DMD: variants seen among roughly 807,000 people sequenced by gnomAD.
DMD encodes the protein dystrophin.
Under a neutral mutation model 330.1 loss-of-function variants are expected in DMD, and 63 were observed. The ratio of observed to expected loss-of-function variants is 0.19; its 90% CI spans 0.16 to 0.24. DMD has a LOEUF of 0.24. Among genes scored for constraint, DMD ranks in the 10% least tolerant of loss-of-function variants. The probability of loss-of-function intolerance (pLI) is 1.00; values close to 1 mark genes in which losing one functional copy is unlikely to be tolerated. For missense variants in DMD, 3,344 were observed against 2,684.1 expected (o/e 1.25, Z -5.43); for synonymous variants, 1,223 against 959.8 (o/e 1.27, Z -5.07).
intron 1 of DMD, among the ~76,000 whole-genome samples, chrX:33,334,332 A>G (rs754970412): frequency 2.7e-5 from 3 of 111,749 alleles, no homozygotes; most frequent in Non-Finnish European, 5.7e-5. Flanking sequence ...ATTTCTGTTT[A>G]TGGTATAGAA....
chrX:31,595,512 C>T (rs191731894), intron 55 of DMD, among the ~76,000 whole-genome samples: 13 of 111,144 alleles, frequency 1.2e-4, no homozygotes, highest in East Asian at 5.6e-4. Flanking sequence ...GTAGTGCTTT[C>T]GGCTAATTGG....
At chrX:32,242,022 G>C (rs1028633302) in intron 43 of DMD, among the ~76,000 whole-genome samples, 1 of 111,623 alleles carries the variant, frequency 9.0e-6, no homozygotes, top group Non-Finnish European at 1.9e-5. Context: ...GCTCCCCAGA[G>C]AGACCCAAGA....
At chrX:32,959,345 T>G (rs1247200035) in intron 2 of DMD, among the ~76,000 whole-genome samples, 1 of 111,375 alleles carries the variant, frequency 9.0e-6, no homozygotes, top group East Asian at 2.9e-4. Flanking sequence ...TGACCCTAGA[T>G]CCAGGGACTC....
intron 52 of DMD, among the ~76,000 whole-genome samples, chrX:31,709,596 G>GTGTA (rs1401931016): frequency 1.7e-4 from 18 of 108,608 alleles, no homozygotes; most frequent in African/African-American, 6.0e-4. Context: ...GTGTGTGTGT[G>GTGTA]TGTGTGTGTG....
intron 59 of DMD, among the ~76,000 whole-genome samples, chrX:31,473,711 CAAAAA>C (rs55752684): frequency 2.5e-5 from 1 of 40,133 alleles, no homozygotes; most frequent in East Asian, 8.8e-4. Flanking sequence ...GACTCTGTCT[CAAAAA>C]AAAAAAAAAA....
At chrX:31,159,639 T>C (rs2038574626) in intron 74 of DMD, among the ~76,000 whole-genome samples, 1 of 110,958 alleles carries the variant, frequency 9.0e-6, no homozygotes, top group Non-Finnish European at 1.9e-5. Context: ...CAGGCTTCCA[T>C]CTCCGCCACA....
intron 55 of DMD, among the ~76,000 whole-genome samples, chrX:31,611,147 C>T (rs2077892292): frequency 9.3e-6 from 1 of 107,639 alleles, no homozygotes; most frequent in South Asian, 4.1e-4. Flanking sequence ...TCTAGTGGTT[C>T]TCAAATTTAA....
At chrX:31,429,739 A>G (rs1442456238) in intron 60 of DMD, among the ~76,000 whole-genome samples, 2 of 102,325 alleles carry the variant, frequency 2.0e-5, no homozygotes, top group African/African-American at 8.0e-5. Flanking sequence ...GCCTGGAGAC[A>G]TGATTCACAG....
At chrX:32,856,496 C>T (rs751759832) in intron 2 of DMD, among the ~76,000 whole-genome samples, 1 of 111,144 alleles carries the variant, frequency 9.0e-6, no homozygotes, top group East Asian at 2.8e-4. Context: ...AAAAATGAGA[C>T]GCTGTCATTT....
At chrX:31,986,714 T>C (rs1466955658) in intron 44 of DMD, among the ~76,000 whole-genome samples, 1 of 112,382 alleles carries the variant, frequency 8.9e-6, no homozygotes, top group African/African-American at 3.2e-5. Flanking sequence ...CCAGCTGTCT[T>C]AATTTAATAC....
chrX:33,036,547 A>G (rs987470091), intron 1 of DMD, among the ~76,000 whole-genome samples: 2 of 110,952 alleles, frequency 1.8e-5, no homozygotes, highest in Non-Finnish European at 3.8e-5. Flanking sequence ...CAAATGTGGG[A>G]TTATTACCTT....
intron 20 of DMD, among the ~76,000 whole-genome samples, chrX:32,488,952 T>C (rs1181684860): frequency 1.8e-5 from 2 of 111,134 alleles, no homozygotes; most frequent in African/African-American, 6.6e-5. Flanking sequence ...CTTGCTTAAC[T>C]GTTCTCTTAC....
rs1411191288 is a variant in DMD, at chrX:32,215,478, AACCC to A, written c.6438+1434_6438+1437del. Among the ~76,000 whole-genome samples, 6 of 111,563 alleles carry A rather than the reference AACCC, an allele frequency of 5.4e-5. No individual in the cohort carries two copies. In the Admixed American group the frequency reaches 5.7e-4, roughly 11 times the overall value. Reference sequence around the variant, plus strand: ...TCCATTTTACAATGGCTTTCCAAGAAACCCAGCCTGAAATATGTAGCAAAATTCA... The same window carrying A: ...TCCATTTTACAATGGCTTTCCAAGAAAGCCTGAAATATGTAGCAAAATTCA... On this transcript the variant is annotated intron_variant, in intron 44 of 78. Coordinates refer to ENST00000357033, the MANE Select transcript of DMD (RefSeq NM_004006.3).
At chrX:33,045,339 C>CACA (rs1336706603) in intron 1 of DMD, among the ~76,000 whole-genome samples, 1 of 109,510 alleles carries the variant, frequency 9.1e-6, no homozygotes, top group East Asian at 2.9e-4. Context: ...CACACACACA[C>CACA]AAGTATTTCG....
intron 17 of DMD, among the ~76,000 whole-genome samples, chrX:32,521,577 A>G (rs751188035): frequency 8.9e-6 from 1 of 112,287 alleles, no homozygotes; most frequent in Non-Finnish European, 1.9e-5. Context: ...TGATATGTAT[A>G]TCTCTAATTC....
intron 1 of DMD, among the ~76,000 whole-genome samples, chrX:33,277,100 C>A (rs766376508): frequency 9.0e-6 from 1 of 111,512 alleles, no homozygotes; most frequent in South Asian, 3.8e-4. Flanking sequence ...CCCATGTTAT[C>A]CTTTTATAGG....
chrX:31,698,260 A>G lies in DMD; in HGVS notation c.7661-18674T>C, dbSNP rs1197849935. On this transcript the variant is annotated intron_variant, in intron 52 of 78. Transcript: ENST00000357033. The stretch of plus-strand genomic sequence containing the variant: ...GACATGACTAACTGTGGGCAACTCT[A>G]AAGGAAAAATGATCCCAATTGCAGT... 2.7e-5 allele frequency among the ~76,000 whole-genome samples: 3 copies of G among 111,887 alleles called. No homozygotes were observed. The East Asian group carries it at 8.5e-4, about 32-fold the overall frequency.
At chrX:32,694,951 G>A (rs1019352799) in intron 9 of DMD, among the ~76,000 whole-genome samples, 2 of 111,884 alleles carry the variant, frequency 1.8e-5, no homozygotes, top group South Asian at 3.7e-4. Flanking sequence ...CACCACGCCC[G>A]GCCTTACCAT....
At chrX:32,347,079 C>T (rs1159975703) in intron 38 of DMD, among the ~76,000 whole-genome samples, 1 of 111,414 alleles carries the variant, frequency 9.0e-6, no homozygotes, top group Admixed American at 9.6e-5. Flanking sequence ...AACTTCAACA[C>T]GCAACTGAGG....
Sources: allele counts gnomAD v4.1 joint callset (sites outside exome capture counted in the v4.1 genomes callset), GRCh38; gene constraint gnomAD v4.1.1; transcripts MANE v1.5; gene names NCBI Gene and HGNC (gene_info 2026-07-23, HGNC 2026-07-21).